The following GATAD2A variants were observed in gnomAD, a reference collection of about 807,000 sequenced individuals.
GATAD2A encodes transcriptional repressor p66-alpha.
In GATAD2A, 12 loss-of-function variants were observed where a neutral mutation model predicts 68.5. That is an observed-to-expected ratio of 0.18 (90% CI 0.11 to 0.28). The LOEUF is 0.28. Ranked by LOEUF, GATAD2A falls within the 10% of genes least tolerant of loss-of-function variation. The probability of loss-of-function intolerance (pLI) is 1.00; values close to 1 mark genes in which losing one functional copy is unlikely to be tolerated. For synonymous variants in GATAD2A, 410 were observed against 375.3 expected, an observed-to-expected ratio of 1.09 and a Z score of -1.07; for missense variants, 755 against 868.5, an observed-to-expected ratio of 0.87 and a Z score of 1.64.
At chr19:19,472,855 T>C (rs1227387078) in intron 2 of GATAD2A, 1 of 152,234 alleles carries the variant, frequency 6.6e-6, no homozygotes, top group African/African-American at 2.4e-5. Flanking sequence ...TTGTCAGTGG[T>C]CCAGGACCAG....
At chr19:19,470,434 G>A (rs2058215285) in intron 2 of GATAD2A, among the ~76,000 whole-genome samples, 1 of 152,050 alleles carries the variant, frequency 6.6e-6, no homozygotes, top group Non-Finnish European at 1.5e-5. Context: ...GTGCCCAGCT[G>A]CGACATTTCA....
At chr19:19,456,358 C>G (rs2056932825) in intron 1 of GATAD2A, among the ~76,000 whole-genome samples, 1 of 152,124 alleles carries the variant, frequency 6.6e-6, no homozygotes, top group South Asian at 2.1e-4. Context: ...CAGCCTCCCT[C>G]CAGCAGAAAT....
chr19:19,448,701 G>T (rs1338155967), intron 1 of GATAD2A, among the ~76,000 whole-genome samples: 1 of 152,114 alleles, frequency 6.6e-6, no homozygotes, highest in Non-Finnish European at 1.5e-5. Flanking sequence ...CGTTGGCCAG[G>T]CTGGTCTTGA....
chr19:19,480,388 A>G (rs1407002742), intron 2 of GATAD2A, among the ~76,000 whole-genome samples: 1 of 152,276 alleles, frequency 6.6e-6, no homozygotes, highest in East Asian at 1.9e-4. Context: ...CACAGCAAGT[A>G]GCAAATATAA....
At chr19:19,389,317 C>T (rs975021942) in intron 1 of GATAD2A, among the ~76,000 whole-genome samples, 5 of 152,150 alleles carry the variant, frequency 3.3e-5, no homozygotes, top group African/African-American at 4.8e-5. Flanking sequence ...GTATAGGCTG[C>T]GCTAGTGTTT....
chr19:19,400,876 G>A (rs1476463136), upstream of GATAD2A, among the ~76,000 whole-genome samples: 1 of 152,066 alleles, frequency 6.6e-6, no homozygotes, highest in African/African-American at 2.4e-5. Context: ...GGCCCGATGT[G>A]GTGGCTCCTG....
intron 1 of GATAD2A, among the ~76,000 whole-genome samples, chr19:19,418,544 G>T (rs2051937372): frequency 6.6e-6 from 1 of 152,214 alleles, no homozygotes; most frequent in African/African-American, 2.4e-5. Context: ...AAGAGGCTCA[G>T]TGTGAACCCA....
intron 1 of GATAD2A, among the ~76,000 whole-genome samples, chr19:19,421,540 C>G (rs1399957225): frequency 6.6e-6 from 1 of 152,174 alleles, no homozygotes; most frequent in Admixed American, 6.5e-5. Flanking sequence ...TGGCTGGGTT[C>G]TCAAGGACCA....
At chr19:19,392,281 G>A (rs113051897) in intron 1 of GATAD2A, among the ~76,000 whole-genome samples, 3,213 of 150,996 alleles carry the variant, frequency 0.021, 114 homozygotes, top group African/African-American at 0.073. Context: ...ACAGGGTCTC[G>A]CTATGTTTCC....
At chr19:19,462,227 C>CT (rs2057495572) in intron 1 of GATAD2A, among the ~76,000 whole-genome samples, 1 of 152,238 alleles carries the variant, frequency 6.6e-6, no homozygotes, top group Admixed American at 6.5e-5. Context: ...GCTGGGGGCA[C>CT]TAGTCCCGCT....
At chr19:19,467,549 A>G (rs1256082541) in intron 2 of GATAD2A, among the ~76,000 whole-genome samples, 1 of 152,182 alleles carries the variant, frequency 6.6e-6, no homozygotes, top group Non-Finnish European at 1.5e-5. Flanking sequence ...TTCACTCAGC[A>G]TTGTGAGATT....
At chr19:19,444,031 C>T (rs2055405514) in intron 1 of GATAD2A, among the ~76,000 whole-genome samples, 1 of 152,252 alleles carries the variant, frequency 6.6e-6, no homozygotes, top group South Asian at 2.1e-4. Context: ...AAAGTGGGTG[C>T]TGTTCCCATT....
chr19:19,475,352 C>T (rs908950150), intron 2 of GATAD2A, among the ~76,000 whole-genome samples: 3 of 152,198 alleles, frequency 2.0e-5, no homozygotes, highest in Non-Finnish European at 2.9e-5. Context: ...AATCCCCCAT[C>T]GGGGTGCCAG....
intron 5 of GATAD2A, 118 bp from the exon 6 acceptor site, chr19:19,495,636 A>G: frequency 1.8e-6 from 1 of 543,418 alleles, no homozygotes; most frequent in Non-Finnish European, 2.7e-6. Context: ...CTGCTACTTA[A>G]AAAAAAAAAA....
At chr19:19,495,652 A>AC in intron 5 of GATAD2A, 102 bp from the exon 6 acceptor site, 1 of 1,085,330 alleles carries the variant, frequency 9.2e-7, no homozygotes, top group Admixed American at 2.8e-5. Flanking sequence ...AAAAAAAAAA[A>AC]AAACTAGTAT....
intron 1 of GATAD2A, among the ~76,000 whole-genome samples, chr19:19,463,083 A>G (rs1008692978): frequency 1.3e-5 from 2 of 152,100 alleles, no homozygotes; most frequent in Non-Finnish European, 2.9e-5. Flanking sequence ...GGGAAGCTTC[A>G]TCCGTAGAGT....
Position 19,502,417 on chromosome 19 carries a change from A to G in GATAD2A, c.1665A>G (p.Ser555=), listed in dbSNP as rs200139318. 27 of 1,612,770 alleles carry G rather than the reference A, an allele frequency of 1.7e-5. No individual in the cohort carries two copies. Among genetic ancestry groups the G allele is most frequent in the Admixed American group, 3.3e-5 (2 of 60,020 alleles). The part of the protein sequence containing the change: ...TFSPSPKLQN[S]ASATALVSRT... Reference sequence around the variant, plus strand: ...GTCCGTCACCCAAACTGCAGAACTCAGCCTCGGCCACAGCCCTGGTCAGCA... The same window carrying G: ...GTCCGTCACCCAAACTGCAGAACTCGGCCTCGGCCACAGCCCTGGTCAGCA... Residue 555 remains serine (S), a synonymous_variant, in exon 11 of 12, where the codon TCA becomes TCG. Coordinates refer to ENST00000683918, the MANE Select transcript of GATAD2A (RefSeq NM_001384528.1).
upstream of GATAD2A, among the ~76,000 whole-genome samples, chr19:19,403,859 T>TG (rs2049968649): frequency 6.6e-6 from 1 of 152,362 alleles, no homozygotes; most frequent in South Asian, 2.1e-4. Context: ...AAACCAACCT[T>TG]GCGCTTGGGA....
At chr19:19,401,098 C>T (rs1293320519), upstream of GATAD2A, among the ~76,000 whole-genome samples, 1 of 146,398 alleles carries the variant, frequency 6.8e-6, no homozygotes, top group East Asian at 2.0e-4. Context: ...CAAGATGATG[C>T]CACTGCACTC....
Sources: allele counts gnomAD v4.1 joint callset (sites outside exome capture counted in the v4.1 genomes callset), GRCh38; gene constraint gnomAD v4.1.1; transcripts MANE v1.5; gene names NCBI Gene and HGNC (gene_info 2026-07-23, HGNC 2026-07-21).